PHACTR1: variants seen among roughly 807,000 people sequenced by gnomAD.
PHACTR1 encodes phosphatase and actin regulator 1, also known as RPEL repeat containing 1.
In PHACTR1, 16 loss-of-function variants were observed where a neutral mutation model predicts 69.2. The observed-to-expected ratio is 0.23, with a 90% CI of 0.16 to 0.35. PHACTR1 has a LOEUF of 0.35. PHACTR1 is among the 10% of genes least tolerant of loss of function. The pLI, the probability that PHACTR1 is intolerant of heterozygous loss-of-function variation, is 1.00. For missense variants in PHACTR1, 510 were observed against 734.7 expected (o/e 0.69, Z 3.54); for synonymous variants, 312 against 284.5 (o/e 1.10, Z -0.97).
intron 4 of PHACTR1, among the ~76,000 whole-genome samples, chr6:12,945,964 AAAAT>A (rs146460461): frequency 0.014 from 1,966 of 142,418 alleles, 43 homozygotes; most frequent in African/African-American, 0.042. Flanking sequence ...CTCTGTCTCA[AAAAT>A]AAATAAATAA....
chr6:12,885,224 A>G (rs528846928), intron 4 of PHACTR1, among the ~76,000 whole-genome samples: 1 of 152,236 alleles, frequency 6.6e-6, no homozygotes, highest in African/African-American at 2.4e-5. Flanking sequence ...ATGATAAAGA[A>G]ATGCTTTCAT....
chr6:12,792,132 T>G lies in PHACTR1; in HGVS notation c.250+42342T>G, dbSNP rs189430324. Among the ~76,000 whole-genome samples, 42 of 152,118 alleles carry G rather than the reference T, an allele frequency of 2.8e-4. No homozygotes were observed. The East Asian group carries it at 5.6e-3, about 20-fold the overall frequency. On this transcript the variant is annotated intron_variant, in intron 4 of 14. Coordinates refer to ENST00000332995, the MANE Select transcript of PHACTR1 (RefSeq NM_030948.6). ...TGTGTGTGTTTTCATATGTATATGA[T>G]TATATATCAATGCAATTGCACCATA...
At chr6:13,082,086 G>T (rs530003808) in intron 5 of PHACTR1, among the ~76,000 whole-genome samples, 1 of 152,114 alleles carries the variant, frequency 6.6e-6, no homozygotes, top group African/African-American at 2.4e-5. Flanking sequence ...ATTTGGTCTA[G>T]GTGCAGACTT....
intron 5 of PHACTR1, among the ~76,000 whole-genome samples, chr6:13,062,978 A>G (rs1186052452): frequency 6.6e-6 from 1 of 152,170 alleles, no homozygotes; most frequent in Non-Finnish European, 1.5e-5. Context: ...TGAAAGATGG[A>G]GGGTTACAGG....
intron 5 of PHACTR1, among the ~76,000 whole-genome samples, chr6:13,094,144 G>A (rs1361500805): frequency 6.6e-6 from 1 of 152,020 alleles, no homozygotes; most frequent in Non-Finnish European, 1.5e-5. Context: ...GCCTCCCAAA[G>A]TGCTGGGATT....
At chr6:12,814,814 AG>A (rs1169124915) in intron 4 of PHACTR1, among the ~76,000 whole-genome samples, 3 of 152,212 alleles carry the variant, frequency 2.0e-5, no homozygotes, top group Non-Finnish European at 4.4e-5. Context: ...CCCCACCATT[AG>A]TGATTCTGAG....
At chr6:13,156,188 C>T (rs1758147899) in intron 5 of PHACTR1, among the ~76,000 whole-genome samples, 1 of 152,116 alleles carries the variant, frequency 6.6e-6, no homozygotes, top group Non-Finnish European at 1.5e-5. Context: ...AATGATTATA[C>T]TTTACAGGAT....
chr6:12,738,264 G>A (rs1331122556), intron 3 of PHACTR1, among the ~76,000 whole-genome samples: 1 of 152,180 alleles, frequency 6.6e-6, no homozygotes, highest in Non-Finnish European at 1.5e-5. Context: ...GTGCTCCAAA[G>A]GTGGTTATAT....
At chr6:13,187,911 C>T (rs1439296186) in intron 7 of PHACTR1, among the ~76,000 whole-genome samples, 4 of 152,186 alleles carry the variant, frequency 2.6e-5, no homozygotes, top group East Asian at 1.9e-4. Context: ...TCTTAACTGA[C>T]GACACCTCTG....
rs57286484 is a variant in PHACTR1, at chr6:13,261,746, T to C, written c.1392-11114T>C. 5.4e-3 allele frequency among the ~76,000 whole-genome samples: 821 copies of C among 152,328 alleles called. 13 individuals are homozygous for C. The highest frequency in any genetic ancestry group is 0.019 in the African/African-American group (789 of 41,566). On this transcript the variant is annotated intron_variant, in intron 10 of 14. Transcript: ENST00000332995. ...AACATGCAGGAATATTGTTGCACAC[T>C]GTAGGACACCTAAACCAAGAGATTT...
chr6:12,973,822 C>A (rs1415829672), intron 4 of PHACTR1, among the ~76,000 whole-genome samples: 3 of 150,484 alleles, frequency 2.0e-5, no homozygotes, highest in Non-Finnish European at 4.4e-5. Flanking sequence ...GTCCTGGGTT[C>A]TAAGGGGTTG....
intron 5 of PHACTR1, among the ~76,000 whole-genome samples, chr6:13,125,011 C>T (rs1440683713): frequency 6.6e-6 from 1 of 152,202 alleles, no homozygotes; most frequent in Admixed American, 6.5e-5. Context: ...TTGTCTCCAT[C>T]TACTCCTGAA....
chr6:12,723,211 C>T (rs1417858154), intron 3 of PHACTR1, among the ~76,000 whole-genome samples: 8 of 152,062 alleles, frequency 5.3e-5, no homozygotes, highest in Non-Finnish European at 8.8e-5. Flanking sequence ...TCAACTAGCC[C>T]ATGGGTTTTT....
chr6:13,228,676 T>C (rs554319052), intron 9 of PHACTR1, among the ~76,000 whole-genome samples: 13 of 152,344 alleles, frequency 8.5e-5, no homozygotes, highest in African/African-American at 3.1e-4. Flanking sequence ...GCATTGAACA[T>C]GTACTGTGTG....
At chr6:13,173,493 A>G (rs1012971257) in intron 6 of PHACTR1, among the ~76,000 whole-genome samples, 6 of 152,236 alleles carry the variant, frequency 3.9e-5, no homozygotes, top group African/African-American at 1.4e-4. Flanking sequence ...AGATTGACAA[A>G]TGCCTCAGAA....
At chr6:13,209,262 T>G (rs1158392979) in intron 8 of PHACTR1, among the ~76,000 whole-genome samples, 1 of 152,202 alleles carries the variant, frequency 6.6e-6, no homozygotes, top group Non-Finnish European at 1.5e-5. Context: ...GATTTCCCCC[T>G]GATTTTTACT....
chr6:13,133,549 G>A (rs931076386), intron 5 of PHACTR1, among the ~76,000 whole-genome samples: 20 of 152,022 alleles, frequency 1.3e-4, no homozygotes, highest in Admixed American at 3.3e-4. Flanking sequence ...TGCTAGCCTC[G>A]GCCTCCCGAG....
At chr6:13,167,482 TC>T (rs762415127) in intron 6 of PHACTR1, among the ~76,000 whole-genome samples, 7 of 152,228 alleles carry the variant, frequency 4.6e-5, no homozygotes, top group Non-Finnish European at 8.8e-5. Context: ...GTTAGACAAT[TC>T]CACACCCTAA....
chr6:12,785,271 T>C (rs1278649800), intron 4 of PHACTR1, among the ~76,000 whole-genome samples: 4 of 152,206 alleles, frequency 2.6e-5, no homozygotes, highest in African/African-American at 9.6e-5. Context: ...TTGTAGTTTT[T>C]ATTTTGTATT....
Sources: gnomAD v4.1 joint callset for allele counts (sites outside exome capture counted in the v4.1 genomes callset) on GRCh38, gnomAD v4.1.1 for gene constraint, MANE v1.5 for transcripts, NCBI Gene and HGNC (gene_info 2026-07-23, HGNC 2026-07-21) for gene names.